The following ARHGEF3 variants were observed in gnomAD, a reference collection of about 807,000 sequenced individuals.
ARHGEF3 encodes the protein 59.8 kDA protein.
A neutral mutation model predicts 63.2 loss-of-function variants in ARHGEF3; 28 were observed. That is an observed-to-expected ratio of 0.44 (90% CI 0.33 to 0.61). The LOEUF is 0.61. Among genes scored for constraint, ARHGEF3 ranks in the 20% least tolerant of loss-of-function variants. ARHGEF3 has a pLI of 0.03. For synonymous variants in ARHGEF3, 266 were observed against 254.2 expected, an observed-to-expected ratio of 1.05 and a Z score of -0.44; for missense variants, 533 against 659.3, an observed-to-expected ratio of 0.81 and a Z score of 2.10.
intron 4 of ARHGEF3, among the ~76,000 whole-genome samples, chr3:56,877,648 T>C (rs1226810609): frequency 1.3e-5 from 2 of 152,180 alleles, no homozygotes; most frequent in Non-Finnish European, 2.9e-5. Context: ...GCTGGGATTA[T>C]AGGCCCACTA....
At chr3:57,012,407 C>T (rs911962602) in intron 2 of ARHGEF3, among the ~76,000 whole-genome samples, 5 of 152,054 alleles carry the variant, frequency 3.3e-5, no homozygotes, top group African/African-American at 1.2e-4. Context: ...TACTGGTGCC[C>T]GCCATGACAC....
chr3:57,047,741 G>C (rs1420069399), intron 1 of ARHGEF3, among the ~76,000 whole-genome samples: 1 of 152,208 alleles, frequency 6.6e-6, no homozygotes, highest in South Asian at 2.1e-4. Flanking sequence ...ATTCAATGCT[G>C]TCGATTTTGG....
chr3:56,786,618 C>G (rs2036830797), intron 1 of ARHGEF3, among the ~76,000 whole-genome samples: 1 of 152,166 alleles, frequency 6.6e-6, no homozygotes, highest in African/African-American at 2.4e-5. Flanking sequence ...ACATCTGCAA[C>G]CTTGAAACAT....
chr3:56,809,232 T>C (rs778608844), intron 4 of ARHGEF3, among the ~76,000 whole-genome samples: 15 of 151,282 alleles, frequency 9.9e-5, no homozygotes, highest in Admixed American at 6.6e-5. Flanking sequence ...AGTAAGGGAG[T>C]GAGGGGACAG....
At chr3:56,865,486 A>G (rs947306558) in intron 4 of ARHGEF3, among the ~76,000 whole-genome samples, 1 of 152,232 alleles carries the variant, frequency 6.6e-6, no homozygotes, top group African/African-American at 2.4e-5. Context: ...TTTAAAGCCA[A>G]TGTTTTTCAG....
At chr3:57,007,356 G>C (rs1702508906) in intron 2 of ARHGEF3, 1 of 1,289,688 alleles carries the variant, frequency 7.8e-7, no homozygotes, top group Admixed American at 2.3e-5. Flanking sequence ...AGACAGCCAT[G>C]AAACAGTCAC....
At chr3:56,840,438 C>A (rs2039273501) in intron 4 of ARHGEF3, among the ~76,000 whole-genome samples, 1 of 152,224 alleles carries the variant, frequency 6.6e-6, no homozygotes, top group Non-Finnish European at 1.5e-5. Context: ...AAGGTTGAGG[C>A]TCCAAGTATG....
At chr3:56,751,232 A>T in intron 5 of ARHGEF3, 68 bp downstream of exon 5, 1 of 1,540,968 alleles carries the variant, frequency 6.5e-7, no homozygotes, top group Non-Finnish European at 9.0e-7. Flanking sequence ...ATTAATAATC[A>T]CTCACTCATT....
chr3:56,906,273 A>G (rs910229332), intron 3 of ARHGEF3, among the ~76,000 whole-genome samples: 3 of 152,194 alleles, frequency 2.0e-5, no homozygotes, highest in African/African-American at 7.2e-5. Context: ...TCAAGTGCTC[A>G]ATAGCTAACT....
intron 2 of ARHGEF3, among the ~76,000 whole-genome samples, chr3:57,010,606 T>C (rs1702658608): frequency 6.6e-6 from 1 of 152,166 alleles, no homozygotes; most frequent in South Asian, 2.1e-4. Flanking sequence ...TTTATGCATT[T>C]TGAAGATTAA....
At chr3:56,734,335 G>A (rs1244694437) in intron 8 of ARHGEF3, among the ~76,000 whole-genome samples, 1 of 152,210 alleles carries the variant, frequency 6.6e-6, no homozygotes, top group Non-Finnish European at 1.5e-5. Flanking sequence ...GAGACCAGAA[G>A]AGGAGAGGTT....
chr3:56,762,774 TCTC>T (rs2035494450), intron 2 of ARHGEF3, among the ~76,000 whole-genome samples: 1 of 152,220 alleles, frequency 6.6e-6, no homozygotes, highest in Non-Finnish European at 1.5e-5. Flanking sequence ...AGGAAAAAAC[TCTC>T]CTATGTTGCC....
intron 1 of ARHGEF3, among the ~76,000 whole-genome samples, chr3:56,795,776 G>A (rs1244687449): frequency 1.3e-5 from 2 of 151,310 alleles, no homozygotes; most frequent in Non-Finnish European, 2.9e-5. Flanking sequence ...TGAGTAGCTT[G>A]GATTACAGGT....
intron 1 of ARHGEF3, among the ~76,000 whole-genome samples, chr3:57,059,933 T>C (rs997633936): frequency 6.6e-6 from 1 of 151,378 alleles, no homozygotes; most frequent in Non-Finnish European, 1.5e-5. Flanking sequence ...GAAGCAGAGG[T>C]TGCAGTCAGC....
Position 56,742,250 on chromosome 3 carries a change from C to T in ARHGEF3, c.870+2955G>A, listed in dbSNP as rs144720254. On this transcript the variant is annotated intron_variant, in intron 7 of 9. Coordinates refer to ENST00000296315, the MANE Select transcript of ARHGEF3 (RefSeq NM_019555.3). ...ATGCTCTGCAGGATCATTTTCTGGC[C>T]GAAAAATTCTTAGAATTTAAAACAC... Among the ~76,000 whole-genome samples, 427 of 151,868 alleles carry T rather than the reference C, an allele frequency of 2.8e-3. 2 individuals carry two copies. The highest frequency in any genetic ancestry group is 9.9e-3 in the African/African-American group (409 of 41,378).
At chr3:57,005,472 G>C (rs1702431595) in intron 2 of ARHGEF3, among the ~76,000 whole-genome samples, 1 of 152,180 alleles carries the variant, frequency 6.6e-6, no homozygotes, top group South Asian at 2.1e-4. Flanking sequence ...AATCAAACAA[G>C]GGAGAAAGGA....
intron 1 of ARHGEF3, among the ~76,000 whole-genome samples, chr3:57,055,210 G>A (rs921661353): frequency 7.1e-6 from 1 of 141,688 alleles, no homozygotes; most frequent in Non-Finnish European, 1.5e-5. Context: ...TGCCCAGACT[G>A]GAGAGCAGTG....
chr3:56,866,515 A>G (rs2040252913), intron 4 of ARHGEF3, among the ~76,000 whole-genome samples: 1 of 152,120 alleles, frequency 6.6e-6, no homozygotes, highest in Non-Finnish European at 1.5e-5. Context: ...ACCTCCAACA[A>G]TGCTGGGTCT....
At position 57,059,996 on chromosome 3, in the gene ARHGEF3, C is replaced by CAAAAAT. The variant is rs1225160543; in HGVS notation, c.-28+19224_-28+19229dup. Among the ~76,000 whole-genome samples the CAAAAAT allele has an allele frequency of 1.9e-3, 287 of 150,226 alleles. 1 individual carries two copies. The highest frequency in any genetic ancestry group is 6.3e-3 in the African/African-American group (258 of 40,778). The stretch of plus-strand genomic sequence containing the variant: ...GGGCAACAAGAGTGAAACTCTATCT[C>CAAAAAT]AAAAATAAAAATAAAAATAAAAATA... On this transcript the variant is annotated intron_variant, in intron 1 of 12. Transcript: ENST00000338458.
Sources: gnomAD v4.1 joint callset for allele counts (sites outside exome capture counted in the v4.1 genomes callset) on GRCh38, gnomAD v4.1.1 for gene constraint, MANE v1.5 for transcripts, NCBI Gene and HGNC (gene_info 2026-07-23, HGNC 2026-07-21) for gene names.